Variants in LRRC7 observed in about 807,000 individuals in gnomAD.
LRRC7 encodes the protein leucine-rich repeat-containing protein 7.
Under a neutral mutation model 175.7 loss-of-function variants are expected in LRRC7, and 23 were observed. That is an observed-to-expected ratio of 0.13 (90% CI 0.09 to 0.19). The LOEUF (loss-of-function observed/expected upper bound fraction) is 0.19, where lower values mean the gene tolerates loss of function less well. LRRC7 is among the 10% of genes least tolerant of loss of function. The probability of loss-of-function intolerance (pLI) is 1.00; values close to 1 mark genes in which losing one functional copy is unlikely to be tolerated. For synonymous variants in LRRC7, 685 were observed against 680.9 expected, an observed-to-expected ratio of 1.01 and a Z score of -0.09; for missense variants, 1,354 against 1,904.7, an observed-to-expected ratio of 0.71 and a Z score of 5.38.
chr1:69,742,148 T>C (rs569118130), intron 2 of LRRC7, among the ~76,000 whole-genome samples: 1 of 152,152 alleles, frequency 6.6e-6, no homozygotes, highest in East Asian at 1.9e-4. Context: ...TTGAATAAAG[T>C]ACAGTGAGTA....
intron 1 of LRRC7, among the ~76,000 whole-genome samples, chr1:69,625,372 A>G (rs200349417): frequency 1.4e-4 from 11 of 78,842 alleles, no homozygotes; most frequent in African/African-American, 4.3e-4. Context: ...TTTTTTCTGA[A>G]TCAGTCTTAG....
intron 2 of LRRC7, among the ~76,000 whole-genome samples, chr1:69,685,870 A>G (rs2100634969): frequency 6.6e-6 from 1 of 152,122 alleles, no homozygotes. Flanking sequence ...GATATTCAAG[A>G]AGCTGGGTCA....
intron 7 of LRRC7, among the ~76,000 whole-genome samples, chr1:69,867,722 T>A (rs2137591): frequency 6.6e-6 from 1 of 151,794 alleles, no homozygotes; most frequent in Non-Finnish European, 1.5e-5. Flanking sequence ...GAGTTTGAAT[T>A]GAGAAAGGTT....
intron 4 of LRRC7, among the ~76,000 whole-genome samples, chr1:69,820,073 AT>A (rs201464852): frequency 9.8e-4 from 146 of 149,562 alleles, no homozygotes; most frequent in African/African-American, 2.2e-3. Flanking sequence ...CATTTTGTTG[AT>A]TTTTTTTCTG....
At chr1:69,705,001 A>G (rs1663845969) in intron 2 of LRRC7, among the ~76,000 whole-genome samples, 1 of 152,144 alleles carries the variant, frequency 6.6e-6, no homozygotes, top group South Asian at 2.1e-4. Flanking sequence ...ACACTTTAAA[A>G]CACCATTTAT....
intron 1 of LRRC7, among the ~76,000 whole-genome samples, chr1:69,592,138 ACTCT>A (rs1176450683): frequency 1.3e-5 from 2 of 151,454 alleles, no homozygotes; most frequent in African/African-American, 2.4e-5. Flanking sequence ...TTTAGTCCTA[ACTCT>A]CTCGTTTTAT....
chr1:69,906,906 T>C (rs1354608599), intron 7 of LRRC7, among the ~76,000 whole-genome samples: 1 of 152,172 alleles, frequency 6.6e-6, no homozygotes, highest in Non-Finnish European at 1.5e-5. Flanking sequence ...GGAATGTTCT[T>C]CCATTTGTTT....
At chr1:69,668,112 A>C (rs1308265908) in intron 1 of LRRC7, among the ~76,000 whole-genome samples, 1 of 151,716 alleles carries the variant, frequency 6.6e-6, no homozygotes, top group East Asian at 1.9e-4. Flanking sequence ...CAGCACCTTA[A>C]CTTTGCCTTC....
chr1:69,690,001 G>C (rs962095998), intron 2 of LRRC7, among the ~76,000 whole-genome samples: 1 of 152,052 alleles, frequency 6.6e-6, no homozygotes, highest in African/African-American at 2.4e-5. Context: ...TGCAAATTTG[G>C]TACCAAGTTG....
intron 1 of LRRC7, among the ~76,000 whole-genome samples, chr1:69,672,671 A>G (rs1218760456): frequency 6.6e-6 from 1 of 152,148 alleles, no homozygotes; most frequent in Admixed American, 6.6e-5. Context: ...TCATTCTCCT[A>G]TGTCCTCCTC....
intron 8 of LRRC7, among the ~76,000 whole-genome samples, chr1:69,978,630 A>G (rs1212829855): frequency 6.6e-6 from 1 of 152,210 alleles, no homozygotes; most frequent in Non-Finnish European, 1.5e-5. Flanking sequence ...CCTTGTTATA[A>G]AGGAAACTTC....
At chr1:69,635,691 A>G (rs1385402259) in intron 1 of LRRC7, among the ~76,000 whole-genome samples, 1 of 152,084 alleles carries the variant, frequency 6.6e-6, no homozygotes, top group Non-Finnish European at 1.5e-5. Flanking sequence ...ACAATTTAGA[A>G]CAAAGGATAA....
At chr1:69,858,394 A>C (rs1683966833) in intron 7 of LRRC7, among the ~76,000 whole-genome samples, 1 of 152,104 alleles carries the variant, frequency 6.6e-6, no homozygotes, top group South Asian at 2.1e-4. Context: ...GAATCTACGA[A>C]GAACTCAAAG....
rs1172403797 is a variant in LRRC7 at position 70,082,781 on chromosome 1, A to ATTTTTTTTTTTTTT, written c.4452+6501_4452+6514dup. ...TATTAGTCAATCTTGATACCAGTAC[A>ATTTTTTTTTTTTTT]TTTTTTTTTTTTTTTTTTTTTTTTT... is the stretch of plus-strand genomic sequence containing the variant. On this transcript the variant is annotated intron_variant, in intron 24 of 26. Coordinates refer to ENST00000651989, the MANE Select transcript of LRRC7 (RefSeq NM_001370785.2). Among the ~76,000 whole-genome samples, 54 of 52,282 alleles carry ATTTTTTTTTTTTTT rather than the reference A, an allele frequency of 1.0e-3. 18 individuals carry two copies. Among genetic ancestry groups the ATTTTTTTTTTTTTT allele is most frequent in the South Asian group, 2.5e-3 (3 of 1,192 alleles). The allele number at this position is 52,282 out of a possible 152,430, so 34.3% of individuals were successfully genotyped here. A position where few individuals can be genotyped will look rare whatever the true frequency, so the allele number is the denominator to read the frequency against.
intron 2 of LRRC7, among the ~76,000 whole-genome samples, chr1:69,695,780 C>T (rs1369778118): frequency 6.6e-6 from 1 of 152,200 alleles, no homozygotes; most frequent in Non-Finnish European, 1.5e-5. Flanking sequence ...CTTGGACTGT[C>T]ACTTCAGAAG....
chr1:69,895,830 A>G (rs1406978340), intron 7 of LRRC7, among the ~76,000 whole-genome samples: 1 of 152,126 alleles, frequency 6.6e-6, no homozygotes, highest in Admixed American at 6.6e-5. Context: ...TCTTTCACCT[A>G]GTGGTGAATA....
intron 23 of LRRC7, among the ~76,000 whole-genome samples, chr1:70,059,360 C>T (rs528393334): frequency 6.6e-6 from 1 of 152,250 alleles, no homozygotes; most frequent in East Asian, 1.9e-4. Flanking sequence ...CTGAACTTGC[C>T]TGTGATTTTC....
At chr1:69,926,756 T>G (rs895233563) in intron 7 of LRRC7, among the ~76,000 whole-genome samples, 20 of 152,202 alleles carry the variant, frequency 1.3e-4, no homozygotes, top group African/African-American at 4.8e-4. Context: ...CTTGACTCTT[T>G]ATCCAATTTG....
rs1323413849 is a variant in LRRC7 at position 70,136,598 on chromosome 1, A to AAAGTC, written c.*14712_*14716dup. Among the ~76,000 whole-genome samples, 1 of 152,280 alleles carries AAAGTC rather than the reference A, an allele frequency of 6.6e-6. No homozygotes were observed. The highest frequency in any genetic ancestry group is 2.4e-5 in the African/African-American group (1 of 41,562). ...CACAGTCTAGTGGGGAGACACACAA[A>AAAGTC]AAGTCTAATAAATGCTATCGTGTAG... On this transcript the variant is annotated 3_prime_UTR_variant, in exon 27 of 27. Transcript: ENST00000651989.
Sources: gnomAD v4.1 joint callset for allele counts (sites outside exome capture counted in the v4.1 genomes callset) on GRCh38, gnomAD v4.1.1 for gene constraint, MANE v1.5 for transcripts, NCBI Gene and HGNC (gene_info 2026-07-23, HGNC 2026-07-21) for gene names.